The following NRG3 variants were observed in gnomAD, a reference collection of about 807,000 sequenced individuals.
NRG3 encodes the protein pro-neuregulin-3, membrane-bound isoform.
Under a neutral mutation model 66.9 loss-of-function variants are expected in NRG3, and 31 were observed. The ratio of observed to expected loss-of-function variants is 0.46; its 90% confidence interval spans 0.35 to 0.63. NRG3 has a LOEUF of 0.63. Among genes scored for constraint, NRG3 ranks in the 20% least tolerant of loss-of-function variants. NRG3 has a pLI of 0.00. For synonymous variants in NRG3, 393 were observed against 359.4 expected (o/e 1.09, Z -1.06); for missense variants, 910 against 878.9 (o/e 1.04, Z -0.45).
chr10:82,801,841 A>T (rs7911153), intron 3 of NRG3, among the ~76,000 whole-genome samples: 77,936 of 151,980 alleles, frequency 0.51, 21,394 homozygotes, highest in African/African-American at 0.73. Flanking sequence ...TAAATTCAGA[A>T]TATCTGTTCC....
chr10:82,395,541 T>C (rs958302384), intron 2 of NRG3, among the ~76,000 whole-genome samples: 1 of 152,224 alleles, frequency 6.6e-6, no homozygotes, highest in African/African-American at 2.4e-5. Context: ...TTATAGTTTA[T>C]CTGATCTAGG....
intron 2 of NRG3, among the ~76,000 whole-genome samples, chr10:82,457,788 CT>C (rs1373840663): frequency 3.9e-5 from 6 of 152,296 alleles, no homozygotes; most frequent in Middle Eastern, 3.4e-3. Flanking sequence ...TTACCGCTGC[CT>C]TGTGGAAAAG....
intron 1 of NRG3, among the ~76,000 whole-genome samples, chr10:82,076,369 A>G (rs781636323): frequency 2.6e-5 from 4 of 152,202 alleles, no homozygotes; most frequent in African/African-American, 4.8e-5. Context: ...ACATTTCACT[A>G]TGATTATTTT....
At chr10:82,532,332 G>C (rs1847344017) in intron 2 of NRG3, among the ~76,000 whole-genome samples, 1 of 151,214 alleles carries the variant, frequency 6.6e-6, no homozygotes, top group African/African-American at 2.4e-5. Context: ...CTTAGCATAA[G>C]GTTCATCCAA....
chr10:82,410,217 C>T (rs995118832), intron 2 of NRG3, among the ~76,000 whole-genome samples: 2 of 151,934 alleles, frequency 1.3e-5, no homozygotes, highest in East Asian at 1.9e-4. Flanking sequence ...TATGGCTGGG[C>T]GTGGTGGCTC....
At chr10:82,657,813 T>A (rs1159822707) in intron 2 of NRG3, among the ~76,000 whole-genome samples, 1 of 151,420 alleles carries the variant, frequency 6.6e-6, no homozygotes, top group Non-Finnish European at 1.5e-5. Context: ...TACAAACTAC[T>A]AGAGTTCGTT....
At chr10:82,625,731 C>A (rs2049374131) in intron 2 of NRG3, among the ~76,000 whole-genome samples, 1 of 152,110 alleles carries the variant, frequency 6.6e-6, no homozygotes, top group Non-Finnish European at 1.5e-5. Flanking sequence ...AGATGTGCAG[C>A]ATGTCAGAAA....
chr10:82,490,148 A>G (rs953621001), intron 2 of NRG3, among the ~76,000 whole-genome samples: 15 of 151,972 alleles, frequency 9.9e-5, no homozygotes, highest in African/African-American at 3.6e-4. Context: ...TCTGACCCAA[A>G]CTCCCACACC....
intron 1 of NRG3, among the ~76,000 whole-genome samples, chr10:82,197,048 C>G (rs1564653226): frequency 6.6e-6 from 1 of 152,116 alleles, no homozygotes; most frequent in Non-Finnish European, 1.5e-5. Flanking sequence ...ACATGTTAAG[C>G]GTTTAAGAAA....
chr10:82,329,149 A>G (rs1322687209), intron 1 of NRG3, among the ~76,000 whole-genome samples: 1 of 152,182 alleles, frequency 6.6e-6, no homozygotes, highest in Non-Finnish European at 1.5e-5. Flanking sequence ...TTCCACTTGT[A>G]CTGAGATATT....
chr10:82,884,306 G>A (rs904132753), intron 4 of NRG3, among the ~76,000 whole-genome samples: 1 of 152,018 alleles, frequency 6.6e-6, no homozygotes. Flanking sequence ...ACTTAATTGA[G>A]ATATAACACT....
intron 3 of NRG3, among the ~76,000 whole-genome samples, chr10:82,838,004 C>T (rs924312127): frequency 1.3e-5 from 2 of 152,120 alleles, no homozygotes; most frequent in Non-Finnish European, 2.9e-5. Flanking sequence ...AGAATGTTAT[C>T]ATCCAGGAGG....
chr10:82,478,091 C>G (rs993374967), intron 2 of NRG3, among the ~76,000 whole-genome samples: 1 of 152,132 alleles, frequency 6.6e-6, no homozygotes, highest in South Asian at 2.1e-4. Context: ...AAAATGCTTA[C>G]GAATCCCTTT....
At chr10:82,084,410 A>G (rs954694980) in intron 1 of NRG3, among the ~76,000 whole-genome samples, 1 of 151,588 alleles carries the variant, frequency 6.6e-6, no homozygotes, top group Non-Finnish European at 1.5e-5. Flanking sequence ...GCTTCTGTTA[A>G]CAATATAATC....
At chr10:81,891,866 G>C (rs1438785683) in intron 1 of NRG3, among the ~76,000 whole-genome samples, 1 of 152,000 alleles carries the variant, frequency 6.6e-6, no homozygotes, top group African/African-American at 2.4e-5. Context: ...AGGAGGCCAG[G>C]GTTTTAAATT....
At chr10:82,320,310 T>A (rs2081500273) in intron 1 of NRG3, among the ~76,000 whole-genome samples, 1 of 152,190 alleles carries the variant, frequency 6.6e-6, no homozygotes, top group Non-Finnish European at 1.5e-5. Flanking sequence ...CTAAGTCATT[T>A]GAAATGCCAA....
In NRG3 at chr10:82,979,800, T is replaced by G. The variant is rs569839959; in HGVS notation, c.1583+680T>G. Among the ~76,000 whole-genome samples the G allele has an allele frequency of 2.0e-5, 3 of 152,332 alleles. No homozygotes were observed. In the South Asian group the frequency reaches 6.2e-4, roughly 32 times the overall value. On this transcript the variant is annotated intron_variant, in intron 8 of 8. Coordinates refer to ENST00000372141, the MANE Select transcript of NRG3 (RefSeq NM_001010848.4). ...TTGGCATAAACTGCCCAACTAAACA[T>G]GCGATCCTTGCTTAAACTGACTGGA...
chr10:82,843,387 C>A, intron 3 of NRG3: 1 of 278,484 alleles, frequency 3.6e-6, no homozygotes, highest in Non-Finnish European at 7.5e-6. Context: ...AGGCCCTTAT[C>A]AGATATTGGC....
intron 1 of NRG3, among the ~76,000 whole-genome samples, chr10:81,976,209 G>A (rs1199996904): frequency 6.6e-6 from 1 of 152,070 alleles, no homozygotes; most frequent in Non-Finnish European, 1.5e-5. Context: ...ACCATTGGTT[G>A]GTAATTGCTT....
Sources: allele counts gnomAD v4.1 joint callset (sites outside exome capture counted in the v4.1 genomes callset), GRCh38; gene constraint gnomAD v4.1.1; transcripts MANE v1.5; gene names NCBI Gene and HGNC (gene_info 2026-07-23, HGNC 2026-07-21).